GLOD5: variants seen among roughly 807,000 people sequenced by gnomAD.
GLOD5 encodes the protein glyoxalase domain-containing protein 5.
GLOD5 carries 7 observed loss-of-function variants against 9.9 expected under a neutral mutation model. That is an observed-to-expected ratio of 0.71 (90% CI 0.40 to 1.33). GLOD5 has a LOEUF of 1.33. GLOD5 is among the 40% of genes most tolerant of loss of function. The pLI, the probability that GLOD5 is intolerant of heterozygous loss-of-function variation, is 0.01. For missense variants in GLOD5, 146 were observed against 128.4 expected (o/e 1.14, Z -0.66); for synonymous variants, 49 against 47.3 (o/e 1.04, Z -0.14).
chrX:48,769,142 G>T (rs1557017031), intron 2 of GLOD5, among the ~76,000 whole-genome samples: 1 of 110,544 alleles, frequency 9.0e-6, no homozygotes, highest in African/African-American at 3.3e-5. Flanking sequence ...CATGTTGAGA[G>T]GTCCAGGAGA....
At chrX:48,767,253 C>T (rs1211658526) in intron 2 of GLOD5, among the ~76,000 whole-genome samples, 2 of 110,675 alleles carry the variant, frequency 1.8e-5, no homozygotes, top group Non-Finnish European at 3.8e-5. Context: ...AAATGCCTTA[C>T]TAAGATGTGC....
chrX:48,764,820 C>G (rs2147293499), intron 1 of GLOD5, among the ~76,000 whole-genome samples: 1 of 111,519 alleles, frequency 9.0e-6, no homozygotes, highest in Non-Finnish European at 1.9e-5. Flanking sequence ...GCTGAGATTA[C>G]AGGTGCCACC....
chrX:48,773,522 C>G lies in GLOD5; in HGVS notation c.*87C>G. 1.6e-5 allele frequency: 17 copies of G among 1,052,868 alleles called. No individual in the cohort carries two copies. The highest frequency in any genetic ancestry group is 2.2e-5 in the Non-Finnish European group (17 of 772,367). 86.8% of individuals were successfully genotyped at this position (1,052,868 alleles called of 1,213,427 possible). A position where few individuals can be genotyped will look rare whatever the true frequency, so the allele number is the denominator to read the frequency against. ...AACCCCCACCCAGGCCCAGAGATCTCCAAAGACTGAGGACTTAGGCACTTC... is the reference window on the plus strand; with the variant it reads ...AACCCCCACCCAGGCCCAGAGATCTGCAAAGACTGAGGACTTAGGCACTTC... On this transcript the variant is annotated 3_prime_UTR_variant, in exon 4 of 4. Coordinates refer to ENST00000303227, the MANE Select transcript of GLOD5 (RefSeq NM_001080489.3).
intron 2 of GLOD5, 104 bp downstream of exon 2, chrX:48,766,076 G>T: frequency 1.3e-6 from 1 of 783,713 alleles, no homozygotes. Context: ...AAATCTGAGA[G>T]AAAATATAAA....
intron 2 of GLOD5, among the ~76,000 whole-genome samples, chrX:48,768,384 G>T (rs1357010244): frequency 8.9e-6 from 1 of 111,963 alleles, no homozygotes; most frequent in Non-Finnish European, 1.9e-5. Flanking sequence ...CACTATAATG[G>T]TTGCCTAAGG....
intron 3 of GLOD5, among the ~76,000 whole-genome samples, chrX:48,772,166 G>A (rs2062623978): frequency 1.8e-5 from 2 of 110,531 alleles, no homozygotes; most frequent in Admixed American, 1.9e-4. Context: ...GAGCCCAGGA[G>A]GTGGAGGCTA....
chrX:48,771,813 T>C (rs2062623063), intron 3 of GLOD5, among the ~76,000 whole-genome samples: 1 of 112,052 alleles, frequency 8.9e-6, no homozygotes, highest in Non-Finnish European at 1.9e-5. Context: ...GTTAAAGAGA[T>C]ACTAAGAACT....
At position 48,773,339 on chromosome X, in the gene GLOD5, A is replaced by G. The variant is rs1371862146; in HGVS notation, c.387A>G (p.Pro129=). ...KACDVPIEEG[P]VPRTGAKGPI... ...GTGATGTCCCTATTGAGGAGGGGCC[A>G]GTCCCCAGAACAGGGGCAAAAGGGC... The change falls in exon 4 of 4, where the codon CCA becomes CCG. Residue 129 remains proline (P), a synonymous_variant. Transcript: ENST00000303227. The G allele has an allele frequency of 1.7e-6, 2 of 1,207,344 alleles. No homozygotes were observed. Among genetic ancestry groups the G allele is most frequent in the Non-Finnish European group, 2.2e-6 (2 of 893,427 alleles).
chrX:48,771,164 T>C, intron 3 of GLOD5, 82 bp downstream of exon 3: 2 of 749,910 alleles, frequency 2.7e-6, no homozygotes, highest in Non-Finnish European at 3.8e-6. Context: ...GGTAACAAGT[T>C]TTACCACAAC....
At chrX:48,767,791 AG>A (rs1321525260) in intron 2 of GLOD5, among the ~76,000 whole-genome samples, 1 of 111,414 alleles carries the variant, frequency 9.0e-6, no homozygotes, top group Non-Finnish European at 1.9e-5. Flanking sequence ...CATATTACTA[AG>A]TAAAAGAAGT....
intron 2 of GLOD5, among the ~76,000 whole-genome samples, chrX:48,768,827 C>T (rs1164381640): frequency 2.8e-5 from 3 of 109,053 alleles, no homozygotes; most frequent in Non-Finnish European, 3.8e-5. Context: ...GTCAGGAGTT[C>T]GAGACCAGCC....
intron 2 of GLOD5, among the ~76,000 whole-genome samples, chrX:48,766,842 G>A (rs961880298): frequency 1.9e-4 from 19 of 102,158 alleles, no homozygotes; most frequent in African/African-American, 6.8e-4. Flanking sequence ...AAAATTACCT[G>A]AGGCTATGCT....
chrX:48,772,053 T>C (rs1419559294), intron 3 of GLOD5, among the ~76,000 whole-genome samples: 2 of 109,825 alleles, frequency 1.8e-5, no homozygotes. Context: ...CTGGGCAACA[T>C]AGTGAGATCC....
intron 1 of GLOD5, among the ~76,000 whole-genome samples, chrX:48,762,520 C>A (rs1397919792): frequency 9.6e-6 from 1 of 104,085 alleles, no homozygotes; most frequent in Non-Finnish European, 2.0e-5. Context: ...GTCACTGCAA[C>A]CTCTGCCTCC....
chrX:48,771,839 T>C (rs1212865663), intron 3 of GLOD5, among the ~76,000 whole-genome samples: 1 of 111,829 alleles, frequency 8.9e-6, no homozygotes, highest in Admixed American at 9.6e-5. Flanking sequence ...GCATCCACCT[T>C]CTATGTGTAA....
At position 48,773,360 on chromosome X, in the gene GLOD5, A is replaced by T. The variant is rs2062627856; in HGVS notation, c.408A>T (p.Lys136Asn). 8.3e-7 allele frequency: 1 copy of T among 1,205,480 alleles called. No homozygotes were observed. The highest frequency in any genetic ancestry group is 1.8e-5 in the African/African-American group (1 of 56,782). Residue 136 changes from lysine to asparagine, a missense_variant, in exon 4 of 4, where the codon AAA becomes AAT. Physicochemically the swap from Lys to Asn is moderately conservative, Grantham distance 94 (BLOSUM62 0). Coordinates refer to ENST00000303227, the MANE Select transcript of GLOD5 (RefSeq NM_001080489.3). ...EEGPVPRTGA[K>N]GPIMSIYFRD... ...GGCCAGTCCCCAGAACAGGGGCAAA[A>T]GGGCCTATCATGTCCATCTACTTCC...
chrX:48,770,562 G>A (rs368695787), intron 2 of GLOD5, among the ~76,000 whole-genome samples: 1 of 111,302 alleles, frequency 9.0e-6, no homozygotes, highest in Non-Finnish European at 1.9e-5. Flanking sequence ...TCCAGCTAAC[G>A]TGGCCTCCGG....
intron 3 of GLOD5, 50 bp from the exon 4 acceptor site, chrX:48,773,260 C>T: frequency 8.4e-7 from 1 of 1,184,961 alleles, no homozygotes; most frequent in Non-Finnish European, 1.1e-6. Flanking sequence ...AAATTTTGGT[C>T]TCACACACAC....
intron 2 of GLOD5, among the ~76,000 whole-genome samples, chrX:48,768,320 C>T (rs2062614129): frequency 8.9e-6 from 1 of 112,182 alleles, no homozygotes; most frequent in Admixed American, 9.5e-5. Flanking sequence ...ACACATAAAA[C>T]AGTAACACAC....
Sources: gnomAD v4.1 joint callset for allele counts (sites outside exome capture counted in the v4.1 genomes callset) on GRCh38, gnomAD v4.1.1 for gene constraint, MANE v1.5 for transcripts, NCBI Gene and HGNC (gene_info 2026-07-23, HGNC 2026-07-21) for gene names.